Variants in CHSY3 observed in about 807,000 individuals in gnomAD.
The protein encoded by CHSY3 is chondroitin sulfate synthase 3, also known as N-acetylgalactosaminyl-proteoglycan 3-beta-glucuronosyltransferase 3.
A neutral mutation model predicts 67.2 loss-of-function variants in CHSY3; 35 were observed. That is an observed-to-expected ratio of 0.52 (90% CI 0.40 to 0.69). The LOEUF (loss-of-function observed/expected upper bound fraction) is 0.69, where lower values mean the gene tolerates loss of function less well. Ranked by LOEUF, CHSY3 falls within the 30% of genes least tolerant of loss-of-function variation. CHSY3 has a pLI of 0.00. For synonymous variants in CHSY3, 474 were observed against 434.7 expected, an observed-to-expected ratio of 1.09 and a Z score of -1.12; for missense variants, 1,069 against 1,138.5, an observed-to-expected ratio of 0.94 and a Z score of 0.88.
chr5:129,962,861 A>G (rs575805251), intron 2 of CHSY3, among the ~76,000 whole-genome samples: 17 of 152,092 alleles, frequency 1.1e-4, no homozygotes, highest in African/African-American at 3.9e-4. Flanking sequence ...AGTTGACTCT[A>G]TGAGAGGTTA....
intron 2 of CHSY3, among the ~76,000 whole-genome samples, chr5:129,959,585 T>C (rs540248022): frequency 1.3e-5 from 2 of 152,266 alleles, no homozygotes; most frequent in Admixed American, 1.3e-4. Flanking sequence ...AATAAACATA[T>C]ATTTATGATC....
chr5:129,974,655 C>T (rs1762745274), intron 2 of CHSY3, among the ~76,000 whole-genome samples: 1 of 152,068 alleles, frequency 6.6e-6, no homozygotes, highest in South Asian at 2.1e-4. Context: ...AGGGCTGGTG[C>T]AGAGAATGAG....
intron 2 of CHSY3, among the ~76,000 whole-genome samples, chr5:129,941,696 T>C (rs1761704895): frequency 6.6e-6 from 1 of 152,134 alleles, no homozygotes; most frequent in Admixed American, 6.6e-5. Context: ...CAGAATACTA[T>C]GACAAAAGCA....
At chr5:129,994,766 A>G (rs1004677955) in intron 2 of CHSY3, among the ~76,000 whole-genome samples, 3 of 152,114 alleles carry the variant, frequency 2.0e-5, no homozygotes, top group Non-Finnish European at 4.4e-5. Context: ...ATGAAGCTGG[A>G]AACCATCATT....
chr5:130,006,767 A>G (rs575432347), intron 2 of CHSY3, among the ~76,000 whole-genome samples: 88 of 152,296 alleles, frequency 5.8e-4, no homozygotes, highest in African/African-American at 2.1e-3. Context: ...TCAGTTGCAT[A>G]TAGGAAGGGG....
chr5:129,963,121 G>A (rs773916223), intron 2 of CHSY3, among the ~76,000 whole-genome samples: 1 of 151,698 alleles, frequency 6.6e-6, no homozygotes, highest in Non-Finnish European at 1.5e-5. Context: ...TGGGGAGAGA[G>A]GGCCTCTATA....
intron 2 of CHSY3, among the ~76,000 whole-genome samples, chr5:130,132,377 T>G (rs148576011): frequency 6.6e-6 from 1 of 152,290 alleles, no homozygotes; most frequent in South Asian, 2.1e-4. Flanking sequence ...GATGCCGAAC[T>G]GAACAAGTTA....
At position 130,144,023 on chromosome 5, in the gene CHSY3, C is replaced by T. The variant is rs141296229; in HGVS notation, c.1087-40206C>T. Among the ~76,000 whole-genome samples the T allele has an allele frequency of 1.1e-3, 165 of 150,628 alleles. 1 individual carries two copies. The highest frequency in any genetic ancestry group is 2.7e-3 in the African/African-American group (109 of 41,076). On this transcript the variant is annotated intron_variant, in intron 2 of 2. Coordinates refer to ENST00000305031, the MANE Select transcript of CHSY3 (RefSeq NM_175856.5). ...CATTGCTGTCTTCTTTTTATTAAGT[C>T]GTTCAATCTAGGGTGTCTAGAGATT...
intron 2 of CHSY3, among the ~76,000 whole-genome samples, chr5:130,172,197 G>A (rs941951589): frequency 6.6e-6 from 1 of 151,960 alleles, no homozygotes; most frequent in African/African-American, 2.4e-5. Flanking sequence ...CATTTATAAC[G>A]AAGTATATTA....
intron 2 of CHSY3, among the ~76,000 whole-genome samples, chr5:130,041,832 C>T (rs1200338144): frequency 6.6e-6 from 1 of 152,084 alleles, no homozygotes; most frequent in Non-Finnish European, 1.5e-5. Context: ...GTGAAAGTTT[C>T]TCTTAATACA....
chr5:129,945,334 G>A (rs1761820360), intron 2 of CHSY3, among the ~76,000 whole-genome samples: 1 of 152,162 alleles, frequency 6.6e-6, no homozygotes, highest in African/African-American at 2.4e-5. Context: ...AACATCCCAA[G>A]AAAAGCCACA....
At chr5:129,977,335 C>G (rs1049819994) in intron 2 of CHSY3, among the ~76,000 whole-genome samples, 2 of 152,082 alleles carry the variant, frequency 1.3e-5, no homozygotes, top group Non-Finnish European at 2.9e-5. Context: ...AAAGCATAAG[C>G]AATCCTTTAA....
At chr5:130,093,700 TTA>T (rs1766953915) in intron 2 of CHSY3, among the ~76,000 whole-genome samples, 1 of 152,132 alleles carries the variant, frequency 6.6e-6, no homozygotes, top group Non-Finnish European at 1.5e-5. Context: ...AGTCAATACT[TTA>T]GGCTTTACCT....
At chr5:129,967,627 C>A (rs995096886) in intron 2 of CHSY3, among the ~76,000 whole-genome samples, 1 of 151,824 alleles carries the variant, frequency 6.6e-6, no homozygotes, top group African/African-American at 2.4e-5. Flanking sequence ...AATTGCAGTA[C>A]AGACCTTTAA....
chr5:130,061,366 G>A (rs1003919842), intron 2 of CHSY3, among the ~76,000 whole-genome samples: 8 of 151,686 alleles, frequency 5.3e-5, no homozygotes, highest in African/African-American at 1.4e-4. Context: ...AATATGCAGA[G>A]GAATCTCTTT....
Position 130,088,796 on chromosome 5 carries a change from T to C in CHSY3, c.1087-95433T>C, listed in dbSNP as rs575711172. 3.3e-4 allele frequency among the ~76,000 whole-genome samples: 50 copies of C among 152,236 alleles called. No individual in the cohort carries two copies. In the South Asian group the frequency reaches 6.7e-3, roughly 20 times the overall value. ...GTGGGACTGTAAACTAGTTCAACCATTATGGAAGTCAGTGTGGCGATTCCT... is the reference window on the plus strand; with the variant it reads ...GTGGGACTGTAAACTAGTTCAACCACTATGGAAGTCAGTGTGGCGATTCCT... On this transcript the variant is annotated intron_variant, in intron 2 of 2. Transcript: ENST00000305031.
intron 2 of CHSY3, among the ~76,000 whole-genome samples, chr5:130,047,630 A>T (rs767156552): frequency 2.0e-5 from 3 of 152,098 alleles, no homozygotes; most frequent in South Asian, 2.1e-4. Context: ...TTCAAATAAT[A>T]CATATTTCTT....
At chr5:129,907,800 A>T (rs981596895) in intron 1 of CHSY3, among the ~76,000 whole-genome samples, 3 of 152,128 alleles carry the variant, frequency 2.0e-5, no homozygotes, top group Admixed American at 2.0e-4. Context: ...TTTCCTTGTC[A>T]TTATTTCACT....
chr5:129,921,310 C>G (rs1005756923), intron 2 of CHSY3, among the ~76,000 whole-genome samples: 33 of 152,140 alleles, frequency 2.2e-4, no homozygotes, highest in Non-Finnish European at 4.4e-4. Context: ...AGCACAAGCA[C>G]TATGATACCT....
Sources: gnomAD v4.1 joint callset for allele counts (sites outside exome capture counted in the v4.1 genomes callset) on GRCh38, gnomAD v4.1.1 for gene constraint, MANE v1.5 for transcripts, NCBI Gene and HGNC (gene_info 2026-07-23, HGNC 2026-07-21) for gene names.